ROBO2: variants seen among roughly 807,000 people sequenced by gnomAD.
ROBO2 encodes roundabout guidance receptor 2.
In ROBO2, 53 loss-of-function variants were observed where a neutral mutation model predicts 160.8. The observed-to-expected ratio is 0.33, with a 90% CI of 0.26 to 0.41. The LOEUF (loss-of-function observed/expected upper bound fraction) is 0.41. Among genes scored for constraint, ROBO2 ranks in the 10% least tolerant of loss-of-function variants. The pLI is 1.00. For missense variants in ROBO2, 1,577 were observed against 1,722.4 expected (o/e 0.92, Z 1.49); for synonymous variants, 664 against 611.7 (o/e 1.09, Z -1.26).
At chr3:76,778,889 C>A (rs2062448990) in intron 2 of ROBO2, among the ~76,000 whole-genome samples, 1 of 150,982 alleles carries the variant, frequency 6.6e-6, no homozygotes, top group African/African-American at 2.4e-5. Flanking sequence ...GATCAGTGAC[C>A]AGTTACTTCT....
intron 2 of ROBO2, among the ~76,000 whole-genome samples, chr3:77,102,187 C>T (rs956409930): frequency 1.3e-5 from 2 of 152,102 alleles, no homozygotes; most frequent in African/African-American, 2.4e-5. Context: ...CAAATGCTGC[C>T]GGGTCTTTCC....
At chr3:76,163,907 G>A (rs1005860713) in intron 2 of ROBO2, among the ~76,000 whole-genome samples, 102 of 152,166 alleles carry the variant, frequency 6.7e-4, no homozygotes, top group African/African-American at 2.2e-3. Context: ...CTTAAAATAG[G>A]ATAACAATGG....
At chr3:76,755,820 C>G (rs2060940087) in intron 2 of ROBO2, among the ~76,000 whole-genome samples, 1 of 151,744 alleles carries the variant, frequency 6.6e-6, no homozygotes, top group Non-Finnish European at 1.5e-5. Flanking sequence ...AGTTTTTCCT[C>G]TTTGAATTTG....
chr3:76,476,224 G>C (rs376224916), intron 2 of ROBO2, among the ~76,000 whole-genome samples: 1 of 152,080 alleles, frequency 6.6e-6, no homozygotes, highest in Non-Finnish European at 1.5e-5. Flanking sequence ...ATTAGTCTTC[G>C]TCTTTAACAG....
intron 2 of ROBO2, among the ~76,000 whole-genome samples, chr3:77,388,286 C>T (rs1320818894): frequency 6.6e-6 from 1 of 152,144 alleles, no homozygotes; most frequent in Non-Finnish European, 1.5e-5. Flanking sequence ...TGGTGGCTCA[C>T]ACCTATAGTC....
chr3:77,206,871 G>A (rs1172199513), intron 2 of ROBO2, among the ~76,000 whole-genome samples: 1 of 152,036 alleles, frequency 6.6e-6, no homozygotes, highest in East Asian at 1.9e-4. Context: ...AAGAATTCCA[G>A]AATCCATTGA....
chr3:76,325,022 A>G (rs888435986), intron 2 of ROBO2, among the ~76,000 whole-genome samples: 5 of 152,094 alleles, frequency 3.3e-5, no homozygotes, highest in South Asian at 4.1e-4. Flanking sequence ...GGAGAATGGC[A>G]TGAACCCGGG....
chr3:77,551,239 T>A (rs1328488288), intron 8 of ROBO2, among the ~76,000 whole-genome samples: 1 of 152,030 alleles, frequency 6.6e-6, no homozygotes, highest in Non-Finnish European at 1.5e-5. Context: ...TTTTTTTAAA[T>A]AAATGTCATC....
rs192244756 is a variant in ROBO2 at position 76,013,114 on chromosome 3, C to T, written c.109+75512C>T. 4.0e-4 allele frequency among the ~76,000 whole-genome samples: 54 copies of T among 133,430 alleles called. No homozygotes were observed. In the East Asian group the frequency reaches 7.8e-3, roughly 19 times the overall value. 87.5% of individuals were successfully genotyped at this position (133,430 alleles called of 152,430 possible). A position where few individuals can be genotyped will look rare whatever the true frequency, so the allele number is the denominator to read the frequency against. ...TGGAGGCTGGGCACGGTGGCTTATG[C>T]GTGTAATCCCAGAAGCAATATGTAT... On this transcript the variant is annotated intron_variant, in intron 2 of 26. Transcript: ENST00000487694.
At chr3:76,736,155 G>T (rs953578717) in intron 2 of ROBO2, among the ~76,000 whole-genome samples, 1 of 151,524 alleles carries the variant, frequency 6.6e-6, no homozygotes, top group African/African-American at 2.4e-5. Flanking sequence ...TGGTGGTGGC[G>T]CCTGCAGTCC....
intron 2 of ROBO2, among the ~76,000 whole-genome samples, chr3:77,007,763 C>T (rs61291931): frequency 8.4e-4 from 128 of 152,164 alleles, no homozygotes; most frequent in African/African-American, 2.9e-3. Flanking sequence ...CTTTGAGCAT[C>T]TGTGAGATAC....
intron 2 of ROBO2, among the ~76,000 whole-genome samples, chr3:76,138,045 T>C (rs914420330): frequency 6.0e-4 from 91 of 152,144 alleles, no homozygotes; most frequent in African/African-American, 2.1e-3. Context: ...TTATTCTACC[T>C]ACCACAAAAG....
Position 77,259,113 on chromosome 3 carries a change from T to A in ROBO2, c.388+160773T>A, listed in dbSNP as rs373496629. Among the ~76,000 whole-genome samples the A allele has an allele frequency of 9.2e-5, 14 of 152,336 alleles. 1 individual carries two copies. The highest frequency in any genetic ancestry group is 3.4e-4 in the African/African-American group (14 of 41,588). On this transcript the variant is annotated intron_variant, in intron 2 of 25. Transcript: ENST00000461745. ...TCCTGATACTCTCCTCGTATTCACA[T>A]CCAATTTAACGACTCTGCGCTCTGT...
In ROBO2 at chr3:76,381,582, T is replaced by G. The variant is rs190051649; in HGVS notation, c.109+443980T>G. Among the ~76,000 whole-genome samples the G allele has an allele frequency of 5.6e-4, 85 of 152,120 alleles. 2 individuals are homozygous for G. In the East Asian group the frequency reaches 0.016, roughly 29 times the overall value. ...GCCAGGGTGATCTCAATCTCCTGACTTCATGATCCACCCACCTCGGCCTCC... is the reference window on the plus strand; with the variant it reads ...GCCAGGGTGATCTCAATCTCCTGACGTCATGATCCACCCACCTCGGCCTCC... On this transcript the variant is annotated intron_variant, in intron 2 of 26. Coordinates refer to the ROBO2 transcript ENST00000487694.
intron 2 of ROBO2, among the ~76,000 whole-genome samples, chr3:76,317,096 C>T (rs1290114923): frequency 2.0e-5 from 3 of 152,130 alleles, no homozygotes; most frequent in Admixed American, 6.5e-5. Context: ...TTGTTATGTG[C>T]GTCTGTGTCT....
intron 2 of ROBO2, among the ~76,000 whole-genome samples, chr3:77,359,721 C>G (rs942039593): frequency 1.3e-5 from 2 of 152,166 alleles, no homozygotes; most frequent in African/African-American, 4.8e-5. Context: ...CCCTTTCACT[C>G]AGGTTGGAGT....
intron 2 of ROBO2, among the ~76,000 whole-genome samples, chr3:77,009,792 A>T (rs180983751): frequency 6.6e-6 from 1 of 151,992 alleles, no homozygotes; most frequent in East Asian, 1.9e-4. Flanking sequence ...CTAAAAATAC[A>T]AAAATTAGCT....
At chr3:76,705,913 C>T (rs2093151683) in intron 2 of ROBO2, among the ~76,000 whole-genome samples, 1 of 152,078 alleles carries the variant, frequency 6.6e-6, no homozygotes. Flanking sequence ...CACAAATTTA[C>T]TGAAATCTGT....
At chr3:76,833,127 T>G (rs77192134) in intron 2 of ROBO2, among the ~76,000 whole-genome samples, 38 of 152,254 alleles carry the variant, frequency 2.5e-4, no homozygotes, top group Non-Finnish European at 4.7e-4. Context: ...CTTTTAATTC[T>G]TACAAAATGT....
Sources: gnomAD v4.1 joint callset for allele counts (sites outside exome capture counted in the v4.1 genomes callset) on GRCh38, gnomAD v4.1.1 for gene constraint, MANE v1.5 for transcripts, NCBI Gene and HGNC (gene_info 2026-07-23, HGNC 2026-07-21) for gene names.